Variants in RUFY3 observed in about 807,000 individuals in gnomAD.
The protein encoded by RUFY3 is RUN and FYVE domain containing 3.
Under a neutral mutation model 84.0 loss-of-function variants are expected in RUFY3, and 34 were observed. The ratio of observed to expected loss-of-function variants is 0.40; its 90% CI spans 0.31 to 0.54. RUFY3 has a LOEUF of 0.54. RUFY3 is among the 20% of genes least tolerant of loss of function. The pLI is 0.39. For synonymous variants in RUFY3, 242 were observed against 252.9 expected (o/e 0.96, Z 0.41); for missense variants, 507 against 736.8 (o/e 0.69, Z 3.61).
intron 13 of RUFY3, among the ~76,000 whole-genome samples, chr4:70,794,301 CTGGGCGCAG>C (rs1486743200): frequency 2.0e-5 from 3 of 152,144 alleles, no homozygotes; most frequent in Non-Finnish European, 4.4e-5. Flanking sequence ...GAGCTTAAGG[CTGGGCGCAG>C]TGGTTCATGC....
chr4:70,792,329 A>G, intron 12 of RUFY3: 2 of 974,610 alleles, frequency 2.1e-6, no homozygotes, highest in Non-Finnish European at 2.4e-6. Flanking sequence ...TTGAATTATT[A>G]GAAAAACATT....
intron 1 of RUFY3, among the ~76,000 whole-genome samples, chr4:70,733,123 A>AGGGG (rs1560463829): frequency 3.6e-5 from 2 of 54,924 alleles, no homozygotes; most frequent in African/African-American, 1.5e-4. Context: ...AGAGAGAGGG[A>AGGGG]GGGAGGGAGG....
At chr4:70,712,335 T>C (rs530122026) in intron 1 of RUFY3, among the ~76,000 whole-genome samples, 2 of 152,292 alleles carry the variant, frequency 1.3e-5, no homozygotes, top group South Asian at 4.1e-4. Flanking sequence ...AATGAATTCA[T>C]ATTCCTCAAT....
intron 15 of RUFY3, 138 bp from the exon 16 acceptor site, chr4:70,802,815 ATGT>A (rs1732393553): frequency 3.8e-6 from 2 of 531,448 alleles, no homozygotes; most frequent in South Asian, 3.4e-5. Flanking sequence ...ATTAATAATT[ATGT>A]TGTTCTAAGT....
intron 12 of RUFY3, chr4:70,793,398 A>C (rs954507158): frequency 8.5e-6 from 9 of 1,062,102 alleles, no homozygotes; most frequent in Non-Finnish European, 1.0e-5. Context: ...AAAATTAAGT[A>C]CCAAACCTAT....
intron 6 of RUFY3, among the ~76,000 whole-genome samples, chr4:70,774,644 A>AAAAATATAT (rs1553916771): frequency 1.8e-5 from 1 of 56,674 alleles, no homozygotes; most frequent in African/African-American, 8.4e-5. Flanking sequence ...AAAAAAAAAA[A>AAAAATATAT]ATATATATAT....
At chr4:70,791,027 T>C (rs1290964469) in intron 12 of RUFY3, among the ~76,000 whole-genome samples, 1 of 152,222 alleles carries the variant, frequency 6.6e-6, no homozygotes, top group Non-Finnish European at 1.5e-5. Context: ...TTACTGTTCA[T>C]AAATTGTGCT....
rs560405384 is a variant in RUFY3, at chr4:70,808,034, G to C, written c.*1375G>C. 2.6e-5 allele frequency among the ~76,000 whole-genome samples: 4 copies of C among 152,202 alleles called. No individual in the cohort carries two copies. In the East Asian group the frequency reaches 7.7e-4, roughly 29 times the overall value. ...ATAGAGAATGGGTTATATGGTATTT[G>C]CATATAACCTACATACATCCTCCTG... On this transcript the variant is annotated 3_prime_UTR_variant, in exon 18 of 18. Coordinates refer to ENST00000381006, the MANE Select transcript of RUFY3 (RefSeq NM_001037442.4).
intron 1 of RUFY3, among the ~76,000 whole-genome samples, chr4:70,736,923 G>T (rs1016686945): frequency 2.0e-5 from 3 of 152,078 alleles, no homozygotes; most frequent in Non-Finnish European, 4.4e-5. Context: ...CATTTAGGTT[G>T]TTTCTAAATT....
chr4:70,766,524 C>T (rs1412061051), intron 4 of RUFY3, among the ~76,000 whole-genome samples: 2 of 152,270 alleles, frequency 1.3e-5, no homozygotes, highest in African/African-American at 2.4e-5. Context: ...GGTTTACAGG[C>T]GTGAGCCACC....
chr4:70,763,452 A>G, intron 2 of RUFY3, 100 bp from the exon 3 acceptor site: 1 of 793,744 alleles, frequency 1.3e-6, no homozygotes, highest in Non-Finnish European at 2.0e-6. Context: ...ATAACCTAGG[A>G]TTGGTTTCCT....
rs747036792 is a variant in RUFY3, at chr4:70,743,051, CTATTATTAT to C, written c.179-19458_179-19450del. Among the ~76,000 whole-genome samples, 3 of 151,638 alleles carry C rather than the reference CTATTATTAT, an allele frequency of 2.0e-5. No homozygotes were observed. In the South Asian group the frequency reaches 6.3e-4, roughly 32 times the overall value. On this transcript the variant is annotated intron_variant, in intron 1 of 17. Coordinates refer to ENST00000381006, the MANE Select transcript of RUFY3 (RefSeq NM_001037442.4). ...GTAATGTTTACTATTGTGTTAGCTGCTATTATTATTATTATTATATTTATTTATTTATTT... is the reference window on the plus strand; with the variant it reads ...GTAATGTTTACTATTGTGTTAGCTGCTATTATTATATTTATTTATTTATTT...
At chr4:70,789,902 C>T (rs886882216) in intron 12 of RUFY3, 2 of 1,045,478 alleles carry the variant, frequency 1.9e-6, no homozygotes, top group African/African-American at 3.4e-5. Flanking sequence ...TACTTAAAAG[C>T]ATGGAAGGAC....
rs1732080356 is a variant in RUFY3 at position 70,800,473 on chromosome 4, G to A, written c.1622+268G>A. ...CCAAGCTCAGATTATCACTTAAGAG[G>A]TTATTTCCCACCTTTACTGAATTGG... On this transcript the variant is annotated intron_variant, in intron 15 of 17. Coordinates refer to ENST00000381006, the MANE Select transcript of RUFY3 (RefSeq NM_001037442.4). 2.0e-5 allele frequency among the ~76,000 whole-genome samples: 3 copies of A among 152,316 alleles called. No individual in the cohort carries two copies. In the South Asian group the frequency reaches 6.2e-4, roughly 32 times the overall value.
intron 6 of RUFY3, 63 bp from the exon 7 acceptor site, chr4:70,775,105 G>A (rs1727707112): frequency 3.3e-6 from 4 of 1,205,318 alleles, no homozygotes; most frequent in Non-Finnish European, 4.8e-6. Context: ...GGTGGGGTGG[G>A]GTTGGGATCT....
chr4:70,778,827 G>A (rs1226586412), intron 8 of RUFY3, among the ~76,000 whole-genome samples: 5 of 152,118 alleles, frequency 3.3e-5, no homozygotes, highest in Admixed American at 1.3e-4. Flanking sequence ...TGATCCACCC[G>A]CCTCAGCCTC....
At chr4:70,792,717 AAGAGTGTAAGAT>A (rs1731008750) in intron 12 of RUFY3, 37 of 985,304 alleles carry the variant, frequency 3.8e-5, no homozygotes, top group Non-Finnish European at 4.3e-5. Context: ...AACCAGAATT[AAGAGTGTAAGAT>A]AGATTCCATG....
chr4:70,737,281 G>C (rs891162768), intron 1 of RUFY3, among the ~76,000 whole-genome samples: 1 of 151,972 alleles, frequency 6.6e-6, no homozygotes, highest in South Asian at 2.1e-4. Flanking sequence ...GCAAAAGAGA[G>C]TTTTTACTGT....
intron 12 of RUFY3, among the ~76,000 whole-genome samples, chr4:70,790,696 T>C (rs1260792945): frequency 1.3e-5 from 2 of 152,166 alleles, no homozygotes; most frequent in African/African-American, 4.8e-5. Context: ...CCGATGCGAG[T>C]GTAAGCTCCC....
Sources: gnomAD v4.1 joint callset for allele counts (sites outside exome capture counted in the v4.1 genomes callset) on GRCh38, gnomAD v4.1.1 for gene constraint, MANE v1.5 for transcripts, NCBI Gene and HGNC (gene_info 2026-07-23, HGNC 2026-07-21) for gene names.